The following MINDY4 variants were observed in gnomAD, a reference collection of about 807,000 sequenced individuals.
MINDY4 encodes MINDY lysine 48 deubiquitinase 4, also known as probable ubiquitin carboxyl-terminal hydrolase MINDY-4.
Under a neutral mutation model 87.0 loss-of-function variants are expected in MINDY4, and 68 were observed. The ratio of observed to expected loss-of-function variants is 0.78; its 90% confidence interval spans 0.64 to 0.96. The LOEUF (loss-of-function observed/expected upper bound fraction) is 0.96. Among genes scored for constraint, MINDY4 ranks in the 40% least tolerant of loss-of-function variants. The pLI is 0.00. For synonymous variants in MINDY4, 379 were observed against 363.2 expected (o/e 1.04, Z -0.50); for missense variants, 919 against 928.2 (o/e 0.99, Z 0.13).
intron 17 of MINDY4, among the ~76,000 whole-genome samples, chr7:30,883,269 C>G (rs961191926): frequency 6.6e-6 from 1 of 152,180 alleles, no homozygotes; most frequent in Non-Finnish European, 1.5e-5. Flanking sequence ...CTTGAAGCCC[C>G]TCCTCCCTCA....
chr7:30,859,020 A>G (rs1562556827), intron 12 of MINDY4: 1 of 707,708 alleles, frequency 1.4e-6, no homozygotes, highest in Non-Finnish European at 2.6e-6. Context: ...GAGGTCACTG[A>G]TGCTCTCTTT....
At chr7:30,833,345 C>T (rs1411163094) in intron 6 of MINDY4, among the ~76,000 whole-genome samples, 1 of 152,160 alleles carries the variant, frequency 6.6e-6, no homozygotes, top group Non-Finnish European at 1.5e-5. Flanking sequence ...TGGATGGTGG[C>T]AGGCAAAGAG....
chr7:30,774,949 C>T (rs543234878), intron 1 of MINDY4, among the ~76,000 whole-genome samples: 1 of 152,228 alleles, frequency 6.6e-6, no homozygotes, highest in African/African-American at 2.4e-5. Flanking sequence ...ATGTCTATCT[C>T]TAGCTGAGAC....
intron 5 of MINDY4, among the ~76,000 whole-genome samples, chr7:30,802,524 T>G (rs1324577127): frequency 1.3e-5 from 2 of 152,160 alleles, no homozygotes; most frequent in Non-Finnish European, 2.9e-5. Flanking sequence ...CTTATTTCTC[T>G]GTCTTTACTC....
At chr7:30,870,772 G>GA (rs1469873734) in intron 13 of MINDY4, among the ~76,000 whole-genome samples, 1 of 152,176 alleles carries the variant, frequency 6.6e-6, no homozygotes, top group Non-Finnish European at 1.5e-5. Flanking sequence ...CTACTGAAAG[G>GA]AAAAAATAAA....
chr7:30,815,668 C>T (rs1337995417), intron 5 of MINDY4, among the ~76,000 whole-genome samples: 1 of 152,200 alleles, frequency 6.6e-6, no homozygotes, highest in East Asian at 1.9e-4. Context: ...ATAGAGATCA[C>T]TTTTCCTTCG....
At chr7:30,880,713 A>G (rs1450196795) in intron 15 of MINDY4, among the ~76,000 whole-genome samples, 1 of 152,172 alleles carries the variant, frequency 6.6e-6, no homozygotes, top group Non-Finnish European at 1.5e-5. Context: ...GTCCTGTAAG[A>G]CATCTAATTC....
chr7:30,801,266 T>A (rs1434386233), intron 5 of MINDY4, among the ~76,000 whole-genome samples: 1 of 152,210 alleles, frequency 6.6e-6, no homozygotes, highest in Non-Finnish European at 1.5e-5. Context: ...AGAATTTTCA[T>A]TTTAATTTGT....
At chr7:30,855,576 T>A (rs1482696775) in intron 12 of MINDY4, among the ~76,000 whole-genome samples, 1 of 152,182 alleles carries the variant, frequency 6.6e-6, no homozygotes, top group Non-Finnish European at 1.5e-5. Context: ...TGACCACAGA[T>A]CCTGAGGCTT....
intron 5 of MINDY4, among the ~76,000 whole-genome samples, chr7:30,810,235 G>A (rs1007245189): frequency 3.4e-5 from 5 of 145,930 alleles, no homozygotes; most frequent in African/African-American, 1.0e-4. Flanking sequence ...GAGGCATGTC[G>A]AAGAGTTGTC....
intron 4 of MINDY4, 144 bp downstream of exon 4, chr7:30,786,136 T>C: frequency 1.8e-6 from 2 of 1,116,898 alleles, no homozygotes; most frequent in Non-Finnish European, 2.6e-6. Context: ...ACAGTGCCTC[T>C]GTTTTCTCCC....
chr7:30,807,832 C>G (rs754978057), intron 5 of MINDY4, among the ~76,000 whole-genome samples: 1 of 152,208 alleles, frequency 6.6e-6, no homozygotes, highest in Non-Finnish European at 1.5e-5. Context: ...CCCTCTCACG[C>G]GGACTCTGTT....
chr7:30,879,618 C>G (rs901010463), intron 15 of MINDY4, among the ~76,000 whole-genome samples: 31 of 152,200 alleles, frequency 2.0e-4, no homozygotes, highest in Non-Finnish European at 1.2e-4. Flanking sequence ...CCTTTGTGCA[C>G]GCTGCACCCT....
intron 5 of MINDY4, among the ~76,000 whole-genome samples, chr7:30,804,631 T>C (rs1458335093): frequency 6.6e-6 from 1 of 152,196 alleles, no homozygotes; most frequent in African/African-American, 2.4e-5. Flanking sequence ...TCGATATCTG[T>C]TGAGTCCTCA....
At chr7:30,773,441 GTC>G (rs939338404) in intron 1 of MINDY4, among the ~76,000 whole-genome samples, 2 of 152,172 alleles carry the variant, frequency 1.3e-5, no homozygotes, top group Non-Finnish European at 2.9e-5. Flanking sequence ...TAGACTTCAA[GTC>G]TCTCCATTAC....
intron 6 of MINDY4, among the ~76,000 whole-genome samples, chr7:30,829,103 G>A (rs1375532383): frequency 6.6e-6 from 1 of 152,282 alleles, no homozygotes; most frequent in Admixed American, 6.5e-5. Flanking sequence ...GGCTGGGAAG[G>A]CCCGTCCTTT....
intron 15 of MINDY4, among the ~76,000 whole-genome samples, chr7:30,879,348 G>C (rs1383543647): frequency 6.6e-6 from 1 of 152,132 alleles, no homozygotes; most frequent in African/African-American, 2.4e-5. Flanking sequence ...TCAGGGGCAC[G>C]GCCTTCAGAA....
At chr7:30,838,642 G>A (rs1472875150) in intron 7 of MINDY4, among the ~76,000 whole-genome samples, 1 of 152,128 alleles carries the variant, frequency 6.6e-6, no homozygotes, top group African/African-American at 2.4e-5. Context: ...GATTTGGCCT[G>A]TGGGTCACAG....
intron 5 of MINDY4, among the ~76,000 whole-genome samples, chr7:30,819,442 G>C (rs1788257416): frequency 6.6e-6 from 1 of 152,036 alleles, no homozygotes; most frequent in African/African-American, 2.4e-5. Context: ...TTATACATTT[G>C]TGCTTGACAA....
Sources: allele counts gnomAD v4.1 joint callset (sites outside exome capture counted in the v4.1 genomes callset), GRCh38; gene constraint gnomAD v4.1.1; transcripts MANE v1.5; gene names NCBI Gene and HGNC (gene_info 2026-07-23, HGNC 2026-07-21).